Variants in B4GALT5 observed in about 807,000 individuals in gnomAD.
B4GALT5 encodes UDP-Gal:beta-GlcNAc beta-1,4-galactosyltransferase 5.
A neutral mutation model predicts 45.0 loss-of-function variants in B4GALT5; 11 were observed. The observed-to-expected ratio is 0.24, with a 90% CI of 0.15 to 0.40. B4GALT5 has a LOEUF of 0.40. Ranked by LOEUF, B4GALT5 falls within the 10% of genes least tolerant of loss-of-function variation. B4GALT5 has a pLI of 1.00. For missense variants in B4GALT5, 337 were observed against 500.2 expected (o/e 0.67, Z 3.11); for synonymous variants, 185 against 182.9 (o/e 1.01, Z -0.09).
intron 1 of B4GALT5, among the ~76,000 whole-genome samples, chr20:49,694,135 A>C (rs1217787118): frequency 6.6e-6 from 1 of 152,108 alleles, no homozygotes; most frequent in Non-Finnish European, 1.5e-5. Flanking sequence ...TTAACACCCT[A>C]ATTTTCACAT....
intron 1 of B4GALT5, among the ~76,000 whole-genome samples, chr20:49,665,475 AATAATAATG>A (rs1255819692): frequency 3.4e-5 from 5 of 145,792 alleles, no homozygotes; most frequent in African/African-American, 7.7e-5. Flanking sequence ...TAATAATAAT[AATAATAATG>A]AAGAAACATC....
Position 49,642,488 on chromosome 20 carries a change from C to A in B4GALT5, c.586G>T (p.Ala196Ser). 4 of 1,613,442 alleles carry A rather than the reference C, an allele frequency of 2.5e-6. No individual in the cohort carries two copies. The highest frequency in any genetic ancestry group is 3.4e-6 in the Non-Finnish European group (4 of 1,179,652). The change falls in exon 5 of 9, where the codon GCA (alanine) becomes TCA (serine). Residue 196 changes from alanine (A) to serine (S), a missense_variant. Physicochemically the swap from Ala to Ser is moderately conservative, Grantham distance 99. Transcript: ENST00000371711. The part of the protein sequence containing the change: ...PMLQRQRLQF[A>S]FYVVEQVGTQ... ...CTCACTTGTTCAACCACATAAAATG[C>A]AAACTGCAAGCGCTGGCGCTGGAGC...
At chr20:49,685,761 C>CACT (rs1348018229) in intron 1 of B4GALT5, among the ~76,000 whole-genome samples, 2 of 152,106 alleles carry the variant, frequency 1.3e-5, no homozygotes, top group Non-Finnish European at 2.9e-5. Context: ...ATACAATACA[C>CACT]ACTAACATTT....
chr20:49,643,987 G>A (rs1000216342), intron 3 of B4GALT5, among the ~76,000 whole-genome samples: 9 of 132,658 alleles, frequency 6.8e-5, no homozygotes, highest in Non-Finnish European at 1.2e-4. Flanking sequence ...GGAGTGCAGT[G>A]GTGTGATCTC....
At chr20:49,700,901 G>C (rs1209028923) in intron 1 of B4GALT5, among the ~76,000 whole-genome samples, 2 of 152,208 alleles carry the variant, frequency 1.3e-5, no homozygotes, top group Non-Finnish European at 2.9e-5. Context: ...CACAGAAAGT[G>C]AAACTCTGGA....
At chr20:49,699,765 T>C (rs1466924241) in intron 1 of B4GALT5, among the ~76,000 whole-genome samples, 1 of 152,190 alleles carries the variant, frequency 6.6e-6, no homozygotes. Flanking sequence ...AGGAAATTCC[T>C]TGTGGACCTC....
intron 1 of B4GALT5, among the ~76,000 whole-genome samples, chr20:49,708,549 T>C (rs2085894504): frequency 1.3e-5 from 2 of 152,352 alleles, no homozygotes; most frequent in South Asian, 4.1e-4. Flanking sequence ...AAATTTCTCT[T>C]GGAACTAAGC....
chr20:49,664,421 TACACACACACACACACACACACACAC>T (rs55990435), intron 1 of B4GALT5, among the ~76,000 whole-genome samples: 17 of 128,910 alleles, frequency 1.3e-4, no homozygotes, highest in African/African-American at 4.1e-4. Context: ...GGTCTCCAAA[TACACACACACACACACACACACACAC>T]ACACACACAC....
In B4GALT5 at chr20:49,639,785, C is replaced by A. The variant is rs536108631; in HGVS notation, c.810G>T (p.Glu270Asp). The change falls in exon 7 of 9, where the codon GAG becomes GAT. Residue 270 changes from glutamate to aspartate, a missense_variant. Physicochemically the swap from Glu to Asp is conservative, Grantham distance 45. This residue lies in a region of B4GALT5 where 163 missense variants were observed against 292.8 expected (regional missense o/e 0.56). Transcript: ENST00000371711. ...DKYMYLLPYT[E>D]FFGGVSGLTV... ...TTAAGCCACTCACTCCGCCAAAGAA[C>A]TCGGTATAAGGAAGCCTAGGAGGAG... 1 of 1,613,180 alleles carries A rather than the reference C, an allele frequency of 6.2e-7. No homozygotes were observed. Among genetic ancestry groups the A allele is most frequent in the African/African-American group, 1.3e-5 (1 of 74,888 alleles).
chr20:49,689,253 T>A (rs1209640287), intron 1 of B4GALT5, among the ~76,000 whole-genome samples: 2 of 151,942 alleles, frequency 1.3e-5, no homozygotes, highest in Admixed American at 6.6e-5. Context: ...AGAAAAAAAA[T>A]ATTTAGACTC....
chr20:49,647,637 T>C (rs2085604697), intron 2 of B4GALT5, among the ~76,000 whole-genome samples: 2 of 152,242 alleles, frequency 1.3e-5, no homozygotes, highest in African/African-American at 4.8e-5. Context: ...TGCTGTTAAG[T>C]ACTAGTCGTC....
rs1984421439 is a variant in B4GALT5, at chr20:49,633,278, G to A, written c.*3034C>T. 1 of 152,678 alleles carries A rather than the reference G, an allele frequency of 6.5e-6. No individual in the cohort carries two copies. The highest frequency in any genetic ancestry group is 2.4e-5 in the African/African-American group (1 of 41,394). The allele number at this position is 152,678 out of a possible 1,614,324, so 9.5% of individuals were successfully genotyped here. On this transcript the variant is annotated 3_prime_UTR_variant, in exon 9 of 9. Transcript: ENST00000371711. Reference sequence around the variant, plus strand: ...ACAAGAGGACCTATTATGTCAAAATGAGTATTCTTGCAAATACCCCCCCAC... The same window carrying A: ...ACAAGAGGACCTATTATGTCAAAATAAGTATTCTTGCAAATACCCCCCCAC...
intron 1 of B4GALT5, among the ~76,000 whole-genome samples, chr20:49,667,402 C>T (rs1265846478): frequency 6.6e-6 from 1 of 151,952 alleles, no homozygotes; most frequent in East Asian, 1.9e-4. Flanking sequence ...CAGGTGCCTG[C>T]CACCTCGCCC....
intron 1 of B4GALT5, among the ~76,000 whole-genome samples, chr20:49,669,899 A>C (rs1693562589): frequency 6.6e-6 from 1 of 152,202 alleles, no homozygotes; most frequent in Admixed American, 6.5e-5. Flanking sequence ...CCCTTTGGGA[A>C]AACTATTTGC....
At chr20:49,637,732 G>A (rs377069707) in intron 7 of B4GALT5, among the ~76,000 whole-genome samples, 22 of 151,044 alleles carry the variant, frequency 1.5e-4, no homozygotes, top group African/African-American at 1.9e-4. Context: ...TCAGGAGTTC[G>A]AGACCAGCCT....
intron 2 of B4GALT5, among the ~76,000 whole-genome samples, chr20:49,655,663 T>C (rs1421011687): frequency 1.3e-5 from 2 of 151,944 alleles, no homozygotes; most frequent in African/African-American, 2.4e-5. Flanking sequence ...GCACAGTGGC[T>C]TATGCCTGTA....
chr20:49,642,443 G>T, intron 5 of B4GALT5, 25 bp downstream of exon 5: 4 of 1,534,702 alleles, frequency 2.6e-6, no homozygotes, highest in Non-Finnish European at 3.6e-6. Context: ...AGAGAAAAAA[G>T]AAAGGAAAAG....
chr20:49,683,103 G>GAAAAAAAAAAA (rs11475845), intron 1 of B4GALT5, among the ~76,000 whole-genome samples: 1 of 148,430 alleles, frequency 6.7e-6, no homozygotes, highest in Non-Finnish European at 1.5e-5. Context: ...TTCTGGGGAG[G>GAAAAAAAAAAA]AAAAAAAAAA....
intron 1 of B4GALT5, among the ~76,000 whole-genome samples, chr20:49,656,946 TA>T (rs528733628): frequency 6.6e-6 from 1 of 151,344 alleles, no homozygotes; most frequent in African/African-American, 2.4e-5. Context: ...AGCATCAACT[TA>T]AAAAAAAATA....
Sources: gnomAD v4.1 joint callset for allele counts (sites outside exome capture counted in the v4.1 genomes callset) on GRCh38, gnomAD v4.1.1 for gene constraint, gnomAD v4.1.1 regional missense constraint, MANE v1.5 for transcripts, NCBI Gene and HGNC (gene_info 2026-07-23, HGNC 2026-07-21) for gene names.